ENPEP: variants seen among roughly 807,000 people sequenced by gnomAD.
ENPEP encodes the protein glutamyl aminopeptidase, also known as AP-A.
ENPEP carries 103 observed loss-of-function variants against 114.5 expected under a neutral mutation model. The ratio of observed to expected loss-of-function variants is 0.90; its 90% CI spans 0.77 to 1.06. ENPEP has a LOEUF of 1.06. Ranked by LOEUF, ENPEP falls within the 50% of genes least tolerant of loss-of-function variation. The probability of loss-of-function intolerance (pLI) is 0.00; values close to 1 mark genes in which losing one functional copy is unlikely to be tolerated. For synonymous variants in ENPEP, 420 were observed against 422.0 expected (o/e 1.00, Z 0.06); for missense variants, 1,196 against 1,161.3 (o/e 1.03, Z -0.43).
intron 14 of ENPEP, 147 bp downstream of exon 14, chr4:110,548,473 CA>C: frequency 1.8e-6 from 1 of 557,990 alleles, no homozygotes; most frequent in East Asian, 3.3e-5. Context: ...CTTGACTAAT[CA>C]AAGCAAAGCT....
intron 17 of ENPEP, among the ~76,000 whole-genome samples, chr4:110,550,939 G>A (rs552060418): frequency 1.2e-4 from 18 of 151,878 alleles, no homozygotes; most frequent in Non-Finnish European, 2.5e-4. Flanking sequence ...CCTGCTCTCT[G>A]CCATGACAGT....
intron 14 of ENPEP, among the ~76,000 whole-genome samples, 165 bp from the exon 15 acceptor site, chr4:110,549,177 AAAAT>A (rs1727188645): frequency 6.6e-6 from 1 of 152,076 alleles, no homozygotes; most frequent in African/African-American, 2.4e-5. Flanking sequence ...AGGATTGAAA[AAAAT>A]TGCAATGTGA....
intron 18 of ENPEP, among the ~76,000 whole-genome samples, chr4:110,555,131 C>G (rs1472339079): frequency 2.6e-5 from 4 of 151,954 alleles, no homozygotes; most frequent in Non-Finnish European, 4.4e-5. Context: ...TCCAGAAGTA[C>G]TCCAAAACTC....
rs1192491811 is a variant in ENPEP, at chr4:110,489,697, ATGT to A, written c.786+1020_786+1022del. Reference sequence around the variant, plus strand: ...TTTTGTCTCATCCCTATAATGGATAATGTTGTTACCTAGAGTTTCATTGCCTCA... The same window carrying A: ...TTTTGTCTCATCCCTATAATGGATAATGTTACCTAGAGTTTCATTGCCTCA... On this transcript the variant is annotated intron_variant, in intron 2 of 19. Coordinates refer to ENST00000265162, the MANE Select transcript of ENPEP (RefSeq NM_001977.4). Among the ~76,000 whole-genome samples the A allele has an allele frequency of 3.9e-5, 6 of 152,194 alleles. No individual in the cohort carries two copies. The East Asian group carries it at 1.2e-3, about 29-fold the overall frequency.
At chr4:110,547,738 G>A (rs1727121561) in intron 13 of ENPEP, among the ~76,000 whole-genome samples, 1 of 151,942 alleles carries the variant, frequency 6.6e-6, no homozygotes, top group African/African-American at 2.4e-5. Context: ...GGATTAATAA[G>A]AACTGTTACT....
intron 11 of ENPEP, among the ~76,000 whole-genome samples, chr4:110,538,852 C>G (rs377342417): frequency 1.3e-5 from 2 of 151,438 alleles, no homozygotes; most frequent in East Asian, 1.9e-4. Flanking sequence ...TAGGGAGTCC[C>G]AAGGGGAAGG....
At chr4:110,480,007 A>T (rs555432891) in intron 1 of ENPEP, among the ~76,000 whole-genome samples, 1 of 152,326 alleles carries the variant, frequency 6.6e-6, no homozygotes, top group Non-Finnish European at 1.5e-5. Context: ...GCCATAAAAT[A>T]TATACCAGAG....
intron 5 of ENPEP, 24 bp downstream of exon 5, chr4:110,509,831 A>C: frequency 6.3e-7 from 1 of 1,597,160 alleles, no homozygotes; most frequent in Middle Eastern, 1.7e-4. Context: ...GCACTGAATC[A>C]GCTTGTTTTT....
chr4:110,519,974 G>T, intron 8 of ENPEP, 34 bp from the exon 9 acceptor site: 2 of 1,587,826 alleles, frequency 1.3e-6, no homozygotes, highest in South Asian at 2.2e-5. Flanking sequence ...AGCAAACATT[G>T]ACTTCTAACA....
chr4:110,518,002 T>G (rs948398751), intron 8 of ENPEP, among the ~76,000 whole-genome samples: 1 of 152,186 alleles, frequency 6.6e-6, no homozygotes, highest in Non-Finnish European at 1.5e-5. Flanking sequence ...GAGTTCAAGG[T>G]ATTTCTGTTG....
intron 18 of ENPEP, among the ~76,000 whole-genome samples, chr4:110,557,289 G>A (rs1472030812): frequency 6.6e-6 from 1 of 152,154 alleles, no homozygotes; most frequent in Non-Finnish European, 1.5e-5. Context: ...TAGGAATTTG[G>A]TGGCTGAAGT....
At chr4:110,541,213 T>A (rs1017401261) in intron 11 of ENPEP, among the ~76,000 whole-genome samples, 1 of 152,094 alleles carries the variant, frequency 6.6e-6, no homozygotes, top group Non-Finnish European at 1.5e-5. Flanking sequence ...TAAAGAAACT[T>A]ATTGTCTTGT....
chr4:110,476,718 T>A lies in ENPEP; in HGVS notation c.304T>A (p.Tyr102Asn). ...RLPDFVNPVH[Y>N]DLHVKPLLEE... ...GCCGGACTTCGTCAACCCAGTCCACTACGACCTGCACGTGAAGCCCCTGTT... is the reference window on the plus strand; with the variant it reads ...GCCGGACTTCGTCAACCCAGTCCACAACGACCTGCACGTGAAGCCCCTGTT... The change falls in exon 1 of 20, where the codon TAC (tyrosine) becomes AAC (asparagine). Residue 102 changes from tyrosine (Y) to asparagine (N), a missense_variant. Tyr to Asn is a moderately radical substitution (Grantham distance 143). Coordinates refer to ENST00000265162, the MANE Select transcript of ENPEP (RefSeq NM_001977.4). 1 of 1,613,994 alleles carries A rather than the reference T, an allele frequency of 6.2e-7. No individual in the cohort carries two copies. Among genetic ancestry groups the A allele is most frequent in the East Asian group, 2.2e-5 (1 of 44,864 alleles).
chr4:110,539,686 G>A (rs113500615), intron 11 of ENPEP, among the ~76,000 whole-genome samples: 1,942 of 152,046 alleles, frequency 0.013, 37 homozygotes, highest in African/African-American at 0.044. Context: ...CACCGTGCCC[G>A]GCCTCAGCTC....
chr4:110,548,646 T>G lies in ENPEP; in HGVS notation c.2151+320T>G, dbSNP rs542155855. Among the ~76,000 whole-genome samples the G allele has an allele frequency of 5.3e-5, 8 of 152,212 alleles. No homozygotes were observed. In the South Asian group the frequency reaches 1.7e-3, roughly 32 times the overall value. ...AATACTAATTAGATCTTTTTTAAAA[T>G]GGACTTTATCTATGTTAAAGTGAAT... On this transcript the variant is annotated intron_variant, in intron 14 of 19. Transcript: ENST00000265162.
At chr4:110,531,477 C>T (rs12504568) in intron 11 of ENPEP, among the ~76,000 whole-genome samples, 200 bp downstream of exon 11, 1 of 152,198 alleles carries the variant, frequency 6.6e-6, no homozygotes, top group Admixed American at 6.5e-5. Flanking sequence ...AATGATTTAT[C>T]TTGACTGACT....
At chr4:110,547,259 T>C (rs1436353974) in intron 13 of ENPEP, among the ~76,000 whole-genome samples, 1 of 152,112 alleles carries the variant, frequency 6.6e-6, no homozygotes, top group Admixed American at 6.6e-5. Context: ...AGTAAACTTC[T>C]ATAATTTAAG....
rs1725946945 is a variant in ENPEP, at chr4:110,520,445, G to A, written c.1727+79G>A. On this transcript the variant is annotated intron_variant, in intron 10 of 19. Coordinates refer to ENST00000265162, the MANE Select transcript of ENPEP (RefSeq NM_001977.4). ...TAATTTGTTTATATCCTATTGTTGA[G>A]TACATGATGGATGAGTGATATACAA... The A allele has an allele frequency of 2.1e-6, 3 of 1,411,240 alleles. No homozygotes were observed. In the East Asian group the frequency reaches 6.9e-5, roughly 32 times the overall value. The allele number at this position is 1,411,240 out of a possible 1,614,324, so 87.4% of individuals were successfully genotyped here.
chr4:110,483,074 ATTTCT>A (rs1404817104), intron 1 of ENPEP, among the ~76,000 whole-genome samples: 3 of 152,182 alleles, frequency 2.0e-5, no homozygotes, highest in Non-Finnish European at 4.4e-5. Flanking sequence ...GGCTAAGTAA[ATTTCT>A]TTTATTTTGG....
Sources: gnomAD v4.1 joint callset for allele counts (sites outside exome capture counted in the v4.1 genomes callset) on GRCh38, gnomAD v4.1.1 for gene constraint, MANE v1.5 for transcripts, NCBI Gene and HGNC (gene_info 2026-07-23, HGNC 2026-07-21) for gene names.